UBE2U: variants seen among roughly 807,000 people sequenced by gnomAD.
UBE2U encodes the protein ubiquitin conjugating enzyme E2 U.
In UBE2U, 39 loss-of-function variants were observed where a neutral mutation model predicts 41.2. The observed-to-expected ratio is 0.95, with a 90% CI of 0.73 to 1.24. The LOEUF (loss-of-function observed/expected upper bound fraction) is 1.24, where lower values mean the gene tolerates loss of function less well. Among genes scored for constraint, UBE2U ranks in the 50% most tolerant of loss-of-function variants. UBE2U has a pLI of 0.00. For missense variants in UBE2U, 336 were observed against 363.1 expected, an observed-to-expected ratio of 0.93 and a Z score of 0.61; for synonymous variants, 107 against 117.8, an observed-to-expected ratio of 0.91 and a Z score of 0.60.
chr1:64,235,922 A>G (rs1354528370), intron 7 of UBE2U, among the ~76,000 whole-genome samples: 1 of 152,170 alleles, frequency 6.6e-6, no homozygotes, highest in Non-Finnish European at 1.5e-5. Flanking sequence ...AGGCATTATT[A>G]TTATTATTAC....
In UBE2U at chr1:64,203,887, C is replaced by T; in HGVS notation, c.-164C>T. 1 of 489,886 alleles carries T rather than the reference C, an allele frequency of 2.0e-6. No homozygotes were observed. Among genetic ancestry groups the T allele is most frequent in the South Asian group, 5.4e-5 (1 of 18,620 alleles). The allele number at this position is 489,886 out of a possible 1,614,324, so 30.3% of individuals were successfully genotyped here. On this transcript the variant is annotated 5_prime_UTR_variant, in exon 1 of 10. Coordinates refer to ENST00000371077, the MANE Select transcript of UBE2U (RefSeq NM_001366232.2). The stretch of plus-strand genomic sequence containing the variant: ...CAGGAGAAAAAGTCATTGTTATATC[C>T]CAACTTTAGAAGCCGCTTATCTTGG...
intron 6 of UBE2U, 60 bp downstream of exon 6, chr1:64,220,967 A>T: frequency 1.8e-6 from 2 of 1,137,848 alleles, no homozygotes; most frequent in Non-Finnish European, 2.5e-6. Context: ...ATTTATTTAA[A>T]CTCTTTATGT....
In UBE2U at chr1:64,203,873, G is replaced by A. The variant is rs1187743259; in HGVS notation, c.-178G>A. 2 of 464,982 alleles carry A rather than the reference G, an allele frequency of 4.3e-6. No individual in the cohort carries two copies. Among genetic ancestry groups the A allele is most frequent in the Non-Finnish European group, 7.7e-6 (2 of 260,806 alleles). The allele number at this position is 464,982 out of a possible 1,614,324, so 28.8% of individuals were successfully genotyped here. A position where few individuals can be genotyped will look rare whatever the true frequency, so the allele number is the denominator to read the frequency against. On this transcript the variant is annotated 5_prime_UTR_variant, in exon 1 of 10. Transcript: ENST00000371077. ...TCGTTTAGAGGAGTCAGGAGAAAAA[G>A]TCATTGTTATATCCCAACTTTAGAA...
intron 8 of UBE2U, among the ~76,000 whole-genome samples, chr1:64,258,190 C>G (rs1645125317): frequency 6.6e-6 from 1 of 152,158 alleles, no homozygotes; most frequent in South Asian, 2.1e-4. Flanking sequence ...GAGACCTTGT[C>G]TGTCTTGTTC....
intron 6 of UBE2U, among the ~76,000 whole-genome samples, chr1:64,226,137 A>G (rs1230601128): frequency 6.6e-6 from 1 of 152,272 alleles, no homozygotes. Flanking sequence ...AGTTGAATGC[A>G]TAAATAAATT....
At position 64,239,158 on chromosome 1, in the gene UBE2U, AAGAAGAAG is replaced by A. The variant is rs1401901534; in HGVS notation, c.596-2492_596-2485del. Among the ~76,000 whole-genome samples the A allele has an allele frequency of 8.8e-4, 11 of 12,478 alleles. No individual in the cohort carries two copies. The East Asian group carries it at 0.023, about 26-fold the overall frequency. The allele number at this position is 12,478 out of a possible 152,430, so 8.2% of individuals were successfully genotyped here. A position where few individuals can be genotyped will look rare whatever the true frequency, so the allele number is the denominator to read the frequency against. ...AAGAAGAAGAAGAAGAAGAAGAAGA[AAGAAGAAG>A]AAGAAGAAGAAGAAGAAGAAGAAGA... On this transcript the variant is annotated intron_variant, in intron 7 of 9. Transcript: ENST00000371077.
intron 6 of UBE2U, among the ~76,000 whole-genome samples, chr1:64,231,436 A>T (rs1345876415): frequency 6.6e-6 from 1 of 152,226 alleles, no homozygotes; most frequent in East Asian, 1.9e-4. Flanking sequence ...TTCATTGGCA[A>T]ATTCATGTTA....
intron 8 of UBE2U, among the ~76,000 whole-genome samples, chr1:64,256,707 G>A (rs951102361): frequency 2.0e-5 from 3 of 152,062 alleles, no homozygotes; most frequent in South Asian, 4.2e-4. Context: ...ACATAGGCAC[G>A]GGCAAAGATT....
intron 9 of UBE2U, among the ~76,000 whole-genome samples, chr1:64,266,689 C>T (rs1190409399): frequency 6.6e-6 from 1 of 152,144 alleles, no homozygotes; most frequent in Non-Finnish European, 1.5e-5. Context: ...GTTTCAAAGT[C>T]CGACTCAGTT....
chr1:64,248,193 C>T (rs143784222), intron 8 of UBE2U, among the ~76,000 whole-genome samples: 43 of 152,204 alleles, frequency 2.8e-4, no homozygotes, highest in African/African-American at 7.7e-4. Context: ...TCTCCCTCTA[C>T]GGCCTTGCTC....
chr1:64,254,172 C>A (rs940237997), intron 8 of UBE2U, among the ~76,000 whole-genome samples: 2 of 152,162 alleles, frequency 1.3e-5, no homozygotes, highest in African/African-American at 2.4e-5. Context: ...AAGGGCATTA[C>A]ACAATGGTAA....
intron 6 of UBE2U, among the ~76,000 whole-genome samples, chr1:64,230,546 C>T (rs1200626773): frequency 6.6e-6 from 1 of 152,106 alleles, no homozygotes; most frequent in African/African-American, 2.4e-5. Flanking sequence ...ATGCTCTCTC[C>T]CATCTGAGCA....
chr1:64,211,823 A>G (rs1569960200), intron 4 of UBE2U, among the ~76,000 whole-genome samples: 1 of 152,142 alleles, frequency 6.6e-6, no homozygotes, highest in Non-Finnish European at 1.5e-5. Context: ...ACTTGCTTTG[A>G]CCTCTTAGAG....
intron 8 of UBE2U, among the ~76,000 whole-genome samples, chr1:64,253,812 C>A (rs951794001): frequency 6.6e-6 from 1 of 152,144 alleles, no homozygotes; most frequent in Non-Finnish European, 1.5e-5. Flanking sequence ...CAAAAACATA[C>A]TGAAGTACAC....
intron 6 of UBE2U, among the ~76,000 whole-genome samples, chr1:64,230,255 C>T (rs1214954123): frequency 6.6e-6 from 1 of 152,196 alleles, no homozygotes; most frequent in Non-Finnish European, 1.5e-5. Flanking sequence ...CCCTTCTATA[C>T]TCCACCCTGC....
intron 5 of UBE2U, among the ~76,000 whole-genome samples, chr1:64,220,481 G>A (rs1652369985): frequency 6.6e-6 from 1 of 152,176 alleles, no homozygotes; most frequent in Non-Finnish European, 1.5e-5. Context: ...TGGTCATCAT[G>A]TGATTGCACA....
chr1:64,244,105 A>G, intron 8 of UBE2U: 1 of 1,556,008 alleles, frequency 6.4e-7, no homozygotes, highest in Non-Finnish European at 8.9e-7. Flanking sequence ...TTAAAACTTT[A>G]CTGTGGCCCT....
At position 64,208,603 on chromosome 1, in the gene UBE2U, C is replaced by CAAAAAAAAAAAAAAAAAAAA. The variant is rs56972795; in HGVS notation, c.241+1771_241+1790dup. ...TGGGCAACAGAACAAGACGCTGTCT[C>CAAAAAAAAAAAAAAAAAAAA]AAAAAAAAAAAAAAAAAAAAAAAAA... On this transcript the variant is annotated intron_variant, in intron 3 of 9. Transcript: ENST00000371077. Among the ~76,000 whole-genome samples, 3 of 36,464 alleles carry CAAAAAAAAAAAAAAAAAAAA rather than the reference C, an allele frequency of 8.2e-5. 1 individual carries two copies. The highest frequency in any genetic ancestry group is 3.7e-4 in the African/African-American group (3 of 8,026). 23.9% of individuals were successfully genotyped at this position (36,464 alleles called of 152,430 possible). A position where few individuals can be genotyped will look rare whatever the true frequency, so the allele number is the denominator to read the frequency against.
At chr1:64,237,783 CAAT>C (rs1440294952) in intron 7 of UBE2U, among the ~76,000 whole-genome samples, 11 of 152,074 alleles carry the variant, frequency 7.2e-5, no homozygotes, top group Middle Eastern at 3.4e-3. Flanking sequence ...GAAAATGAGT[CAAT>C]GATATAAAAC....
Sources: gnomAD v4.1 joint callset for allele counts (sites outside exome capture counted in the v4.1 genomes callset) on GRCh38, gnomAD v4.1.1 for gene constraint, MANE v1.5 for transcripts, NCBI Gene and HGNC (gene_info 2026-07-23, HGNC 2026-07-21) for gene names.